The following RORA variants were observed in gnomAD, a reference collection of about 807,000 sequenced individuals.
RORA encodes the protein RAR related orphan receptor A.
Under a neutral mutation model 69.5 loss-of-function variants are expected in RORA, and 7 were observed. The observed-to-expected ratio is 0.10, with a 90% confidence interval of 0.06 to 0.19. RORA has a LOEUF of 0.19. Among genes scored for constraint, RORA ranks in the 10% least tolerant of loss-of-function variants. RORA has a pLI of 1.00. For synonymous variants in RORA, 261 were observed against 240.8 expected, an observed-to-expected ratio of 1.08 and a Z score of -0.78; for missense variants, 457 against 663.0, an observed-to-expected ratio of 0.69 and a Z score of 3.41.
intron 2 of RORA, among the ~76,000 whole-genome samples, chr15:60,649,115 C>A (rs115934938): frequency 2.6e-5 from 4 of 152,186 alleles, no homozygotes; most frequent in African/African-American, 9.6e-5. Flanking sequence ...AGCCATAGCC[C>A]GTCACTTTTG....
At chr15:61,041,454 T>C (rs1896765844) in intron 1 of RORA, among the ~76,000 whole-genome samples, 2 of 152,204 alleles carry the variant, frequency 1.3e-5, no homozygotes, top group Admixed American at 6.5e-5. Context: ...CGAGCATCCA[T>C]TGACAACCAG....
intron 1 of RORA, among the ~76,000 whole-genome samples, chr15:61,063,725 T>A (rs76365074): frequency 2.6e-5 from 4 of 152,220 alleles, no homozygotes; most frequent in East Asian, 1.9e-4. Context: ...GAGTGCTTCC[T>A]GGCACATGTG....
chr15:60,877,006 T>C (rs2073624895), intron 1 of RORA, among the ~76,000 whole-genome samples: 1 of 152,210 alleles, frequency 6.6e-6, no homozygotes, highest in African/African-American at 2.4e-5. Flanking sequence ...TAATGGGTAC[T>C]GGGCTTAATA....
intron 1 of RORA, among the ~76,000 whole-genome samples, chr15:60,774,579 C>T (rs991132016): frequency 8.5e-5 from 13 of 152,186 alleles, no homozygotes; most frequent in African/African-American, 1.9e-4. Flanking sequence ...CTGCCCTGGG[C>T]GGCTACCAGT....
intron 1 of RORA, among the ~76,000 whole-genome samples, chr15:60,800,505 C>T (rs2072564355): frequency 6.6e-6 from 1 of 152,210 alleles, no homozygotes; most frequent in African/African-American, 2.4e-5. Flanking sequence ...GAAGATTTCA[C>T]ATCGTTTCTT....
chr15:61,205,496 GT>G (rs1395651046), intron 1 of RORA, among the ~76,000 whole-genome samples: 1 of 152,212 alleles, frequency 6.6e-6, no homozygotes, highest in Non-Finnish European at 1.5e-5. Context: ...CAAGATCAGA[GT>G]TTCGCTTTGT....
Position 60,905,392 on chromosome 15 carries a change from C to T in RORA, c.167-226706G>A, listed in dbSNP as rs1305275587. ...TGTCAAAGACAGCTCATTAGATCAA[C>T]TTTTTTTTCTGTGTATTTTTTTTTC... On this transcript the variant is annotated intron_variant, in intron 1 of 10. Coordinates refer to ENST00000335670, the MANE Select transcript of RORA (RefSeq NM_134261.3). The surrounding 1 kb of genome is among the most constrained non-coding windows in gnomAD (Gnocchi z 4.8). 6.6e-6 allele frequency among the ~76,000 whole-genome samples: 1 copy of T among 152,048 alleles called. No individual in the cohort carries two copies. The highest frequency in any genetic ancestry group is 1.5e-5 in the Non-Finnish European group (1 of 67,990).
At chr15:60,689,210 G>A (rs1335494808) in intron 1 of RORA, among the ~76,000 whole-genome samples, 1 of 152,172 alleles carries the variant, frequency 6.6e-6, no homozygotes, top group Non-Finnish European at 1.5e-5. Context: ...GGTATAGGCA[G>A]TGCAAAGCTG....
At chr15:60,506,567 G>C (rs1030998685) in intron 5 of RORA, among the ~76,000 whole-genome samples, 2 of 152,122 alleles carry the variant, frequency 1.3e-5, no homozygotes, top group African/African-American at 4.8e-5. Flanking sequence ...AAAAGGAAGA[G>C]ATTGGCTGGG....
chr15:61,170,229 A>G (rs2079573655), intron 1 of RORA, among the ~76,000 whole-genome samples: 1 of 152,220 alleles, frequency 6.6e-6, no homozygotes, highest in Admixed American at 6.5e-5. Flanking sequence ...GAAGTCTTCA[A>G]ATCAAGGAGT....
chr15:61,015,806 G>A (rs1331212630), intron 1 of RORA, among the ~76,000 whole-genome samples: 1 of 152,212 alleles, frequency 6.6e-6, no homozygotes, highest in Non-Finnish European at 1.5e-5. Context: ...ACCTGTAAAA[G>A]AGCTTATTGC....
At chr15:60,779,461 T>C (rs934720226) in intron 1 of RORA, among the ~76,000 whole-genome samples, 5 of 152,192 alleles carry the variant, frequency 3.3e-5, no homozygotes, top group African/African-American at 4.8e-5. Flanking sequence ...GGCCCAGCCC[T>C]GCCATCGAAG....
rs3053858 is a variant in RORA at position 60,624,471 on chromosome 15, CATATATAT to C, written c.196+54178_196+54185del. ...GGAAGAGGTCCTCTTCCATTTGCTG[CATATATAT>C]ATATATATATATATATATTTGCTGT... is the stretch of plus-strand genomic sequence containing the variant. On this transcript the variant is annotated intron_variant, in intron 2 of 10. Coordinates refer to ENST00000335670, the MANE Select transcript of RORA (RefSeq NM_134261.3). Among the ~76,000 whole-genome samples, 42 of 73,544 alleles carry C rather than the reference CATATATAT, an allele frequency of 5.7e-4. 1 individual carries two copies. The highest frequency in any genetic ancestry group is 4.6e-3 in the East Asian group (10 of 2,182). 48.2% of individuals were successfully genotyped at this position (73,544 alleles called of 152,430 possible).
In RORA at chr15:60,500,973, A is replaced by G. The variant is rs371584468; in HGVS notation, c.1280T>C (p.Val427Ala). 21 of 1,582,742 alleles carry G rather than the reference A, an allele frequency of 1.3e-5. No homozygotes were observed. The highest frequency in any genetic ancestry group is 1.6e-5 in the Non-Finnish European group (19 of 1,152,182). ...EDEIALFSAF[V>A]LMSADRSWLQ... ...GGTTGTCTTACCTGCTGACATCAGT[A>G]CAAATGCAGAAAATAATGCAATTTC... Residue 427 changes from valine (V) to alanine (A), a missense_variant, in exon 9 of 11, where the codon GTA (valine) becomes GCA (alanine). Val to Ala is a moderately conservative substitution (Grantham distance 64). Coordinates refer to ENST00000335670, the MANE Select transcript of RORA (RefSeq NM_134261.3).
intron 1 of RORA, among the ~76,000 whole-genome samples, chr15:60,721,972 A>T (rs1344398326): frequency 6.6e-6 from 1 of 152,270 alleles, no homozygotes. Flanking sequence ...TTGTTTAAAC[A>T]AACTATGCCT....
chr15:60,678,576 C>T, intron 2 of RORA, 81 bp downstream of exon 2: 1 of 1,060,814 alleles, frequency 9.4e-7, no homozygotes, highest in Non-Finnish European at 1.5e-6. Flanking sequence ...TTAGTATATA[C>T]TTGAAGGGTC....
At position 61,094,486 on chromosome 15, in the gene RORA, C is replaced by T. The variant is rs1225487021; in HGVS notation, c.166+134567G>A. Reference sequence around the variant, plus strand: ...AGCTCAGCCCTGCTCCAGCCGTAGGCGATGCCCATCCAATGAATATAGAAC... The same window carrying T: ...AGCTCAGCCCTGCTCCAGCCGTAGGTGATGCCCATCCAATGAATATAGAAC... On this transcript the variant is annotated intron_variant, in intron 1 of 10. Transcript: ENST00000335670. 6.6e-5 allele frequency among the ~76,000 whole-genome samples: 10 copies of T among 152,282 alleles called. No homozygotes were observed. In the East Asian group the frequency reaches 1.2e-3, roughly 18 times the overall value.
At chr15:60,640,639 G>A (rs1271855294) in intron 2 of RORA, among the ~76,000 whole-genome samples, 3 of 151,366 alleles carry the variant, frequency 2.0e-5, no homozygotes, top group Admixed American at 6.6e-5. Flanking sequence ...TTTTTTTTCC[G>A]GTTGTACTGG....
chr15:60,787,939 A>G (rs1415403137), intron 1 of RORA, among the ~76,000 whole-genome samples: 1 of 152,366 alleles, frequency 6.6e-6, no homozygotes, highest in Non-Finnish European at 1.5e-5. Context: ...TGCTGGGGAT[A>G]CTGCAGTGGG....
Sources: allele counts gnomAD v4.1 joint callset (sites outside exome capture counted in the v4.1 genomes callset), GRCh38; gene constraint gnomAD v4.1.1; non-coding constraint Gnocchi (gnomAD v3.1); transcripts MANE v1.5; gene names NCBI Gene and HGNC (gene_info 2026-07-23, HGNC 2026-07-21).